The following NCEH1 variants were observed in gnomAD, a reference collection of about 807,000 sequenced individuals.
NCEH1 encodes 2-acetyl MAGE hydrolase.
Under a neutral mutation model 25.4 loss-of-function variants are expected in NCEH1, and 9 were observed. That is an observed-to-expected ratio of 0.35 (90% CI 0.21 to 0.62). The LOEUF (loss-of-function observed/expected upper bound fraction) is 0.62, where lower values mean the gene tolerates loss of function less well. NCEH1 is among the 20% of genes least tolerant of loss of function. The pLI, the probability that NCEH1 is intolerant of heterozygous loss-of-function variation, is 0.72. For missense variants in NCEH1, 412 were observed against 501.1 expected (o/e 0.82, Z 1.70); for synonymous variants, 200 against 199.8 (o/e 1.00, Z -0.01).
intron 3 of NCEH1, among the ~76,000 whole-genome samples, chr3:172,637,063 C>A (rs552313382): frequency 1.3e-4 from 20 of 152,280 alleles, no homozygotes; most frequent in African/African-American, 4.6e-4. Context: ...ACGTCACTCA[C>A]TGTTCTTATT....
chr3:172,678,059 C>T (rs1272778479), intron 1 of NCEH1, among the ~76,000 whole-genome samples: 4 of 152,206 alleles, frequency 2.6e-5, no homozygotes, highest in African/African-American at 9.6e-5. Context: ...GAAACCTCTC[C>T]TATTACACAG....
chr3:172,687,352 C>T (rs929884052), intron 1 of NCEH1, among the ~76,000 whole-genome samples: 3 of 152,302 alleles, frequency 2.0e-5, no homozygotes, highest in East Asian at 1.9e-4. Flanking sequence ...CATGTACTGA[C>T]GGCCTCCTAA....
chr3:172,648,212 G>A, intron 1 of NCEH1, 98 bp from the exon 2 acceptor site: 1 of 1,397,986 alleles, frequency 7.2e-7, no homozygotes, highest in Non-Finnish European at 9.9e-7. Flanking sequence ...CCTACAAGCA[G>A]CTGCCACTGG....
chr3:172,708,824 C>G (rs1714148015), intron 1 of NCEH1, among the ~76,000 whole-genome samples: 1 of 152,208 alleles, frequency 6.6e-6, no homozygotes, highest in Non-Finnish European at 1.5e-5. Flanking sequence ...GTACCAGGCA[C>G]TTAAATACAT....
At chr3:172,644,022 G>C (rs1439610443) in intron 3 of NCEH1, among the ~76,000 whole-genome samples, 1 of 152,196 alleles carries the variant, frequency 6.6e-6, no homozygotes, top group Admixed American at 6.5e-5. Flanking sequence ...AGTCCAGAAA[G>C]GTCCAGGTGC....
rs1716370475 is a variant in NCEH1 at position 172,631,861 on chromosome 3, C to T, written c.*1614G>A. Reference sequence around the variant, plus strand: ...AGCTCTGCTGCTGCTCTCCGCAGCCCCTAAAAGTAGCATGGATCGGGGAAG... The same window carrying T: ...AGCTCTGCTGCTGCTCTCCGCAGCCTCTAAAAGTAGCATGGATCGGGGAAG... On this transcript the variant is annotated 3_prime_UTR_variant, in exon 5 of 5. Transcript: ENST00000475381. 3 of 152,584 alleles carry T rather than the reference C, an allele frequency of 2.0e-5. No individual in the cohort carries two copies. Among genetic ancestry groups the T allele is most frequent in the South Asian group, 2.1e-4 (1 of 4,796 alleles). The allele number at this position is 152,584 out of a possible 1,614,324, so 9.5% of individuals were successfully genotyped here. A position where few individuals can be genotyped will look rare whatever the true frequency, so the allele number is the denominator to read the frequency against.
chr3:172,666,460 A>G (rs910168967), intron 1 of NCEH1, among the ~76,000 whole-genome samples: 1 of 152,064 alleles, frequency 6.6e-6, no homozygotes, highest in African/African-American at 2.4e-5. Flanking sequence ...CCACACACCA[A>G]GTTTCTGTTT....
chr3:172,675,923 T>C (rs909657942), intron 1 of NCEH1, among the ~76,000 whole-genome samples: 1 of 152,188 alleles, frequency 6.6e-6, no homozygotes, highest in Non-Finnish European at 1.5e-5. Flanking sequence ...AACCTTCTTG[T>C]AAAACGTATC....
At chr3:172,652,323 C>G (rs1249146633) in intron 1 of NCEH1, among the ~76,000 whole-genome samples, 3 of 152,124 alleles carry the variant, frequency 2.0e-5, no homozygotes, top group Non-Finnish European at 4.4e-5. Flanking sequence ...TTATATGTAC[C>G]CAAGAGTTCA....
intron 1 of NCEH1, among the ~76,000 whole-genome samples, chr3:172,690,356 C>T (rs1283439748): frequency 6.6e-6 from 1 of 152,170 alleles, no homozygotes; most frequent in Non-Finnish European, 1.5e-5. Context: ...AATGTCAACT[C>T]TTTTCAAAGA....
At chr3:172,653,082 CT>C (rs1315218414) in intron 1 of NCEH1, among the ~76,000 whole-genome samples, 1 of 152,128 alleles carries the variant, frequency 6.6e-6, no homozygotes, top group African/African-American at 2.4e-5. Flanking sequence ...GCCTAATGGG[CT>C]GTAAATTACT....
intron 1 of NCEH1, among the ~76,000 whole-genome samples, chr3:172,672,865 T>C (rs1310831812): frequency 6.6e-6 from 1 of 152,204 alleles, no homozygotes; most frequent in Non-Finnish European, 1.5e-5. Context: ...ACCTCAACCC[T>C]GTCCATCCAG....
intron 1 of NCEH1, among the ~76,000 whole-genome samples, chr3:172,678,465 C>T (rs16846045): frequency 0.055 from 8,362 of 152,218 alleles, 400 homozygotes; most frequent in East Asian, 0.18. Flanking sequence ...TTTAACGGAT[C>T]CAAGACGTTG....
chr3:172,652,778 C>A (rs1001159304), intron 1 of NCEH1, among the ~76,000 whole-genome samples: 3 of 152,180 alleles, frequency 2.0e-5, no homozygotes, highest in African/African-American at 7.2e-5. Context: ...TCACTACAAC[C>A]TTTGCCTCCC....
intron 1 of NCEH1, among the ~76,000 whole-genome samples, chr3:172,678,891 A>G (rs1712175286): frequency 6.6e-6 from 1 of 152,194 alleles, no homozygotes; most frequent in Non-Finnish European, 1.5e-5. Flanking sequence ...ACTTGAACAT[A>G]AATTTAATTT....
chr3:172,683,595 CTTGAGACTGGAGGTTG>C (rs61727960), intron 1 of NCEH1, among the ~76,000 whole-genome samples: 7,252 of 152,180 alleles, frequency 0.048, 563 homozygotes, highest in African/African-American at 0.17. Flanking sequence ...GGGAGGATTG[CTTGAGACTGGAGGTTG>C]AAGTTATAGT....
At chr3:172,676,721 T>C (rs959386425) in intron 1 of NCEH1, among the ~76,000 whole-genome samples, 1 of 152,178 alleles carries the variant, frequency 6.6e-6, no homozygotes, top group Non-Finnish European at 1.5e-5. Flanking sequence ...TCATTTTATC[T>C]AAACTGGCGC....
At chr3:172,681,639 C>T (rs78341350) in intron 1 of NCEH1, among the ~76,000 whole-genome samples, 10,384 of 150,458 alleles carry the variant, frequency 0.069, 1,197 homozygotes, top group African/African-American at 0.24. Flanking sequence ...CCTGTAATCC[C>T]AACACTGTGG....
At chr3:172,669,051 G>A (rs564749056) in intron 1 of NCEH1, among the ~76,000 whole-genome samples, 2 of 151,994 alleles carry the variant, frequency 1.3e-5, no homozygotes, top group South Asian at 4.2e-4. Context: ...TCTCCAACTG[G>A]AATATTACCA....
Sources: allele counts gnomAD v4.1 joint callset (sites outside exome capture counted in the v4.1 genomes callset), GRCh38; gene constraint gnomAD v4.1.1; transcripts MANE v1.5; gene names NCBI Gene and HGNC (gene_info 2026-07-23, HGNC 2026-07-21).